CSMD1: variants seen among roughly 807,000 people sequenced by gnomAD.
CSMD1 encodes the protein CUB and Sushi multiple domains 1.
A neutral mutation model predicts 417.5 loss-of-function variants in CSMD1; 213 were observed. That is an observed-to-expected ratio of 0.51 (90% CI 0.46 to 0.57). CSMD1 has a LOEUF of 0.57. Among genes scored for constraint, CSMD1 ranks in the 20% least tolerant of loss-of-function variants. The pLI is 0.00. For missense variants in CSMD1, 6,923 were observed against 4,529.7 expected (o/e 1.53, Z -15.17); for synonymous variants, 2,862 against 1,736.8 (o/e 1.65, Z -16.11).
intron 3 of CSMD1, among the ~76,000 whole-genome samples, chr8:4,286,095 C>G (rs566289958): frequency 2.6e-5 from 4 of 152,154 alleles, no homozygotes; most frequent in Admixed American, 2.6e-4. Flanking sequence ...ACACATTATT[C>G]TTTATGTGAC....
At chr8:4,076,387 T>C (rs1047168976) in intron 3 of CSMD1, among the ~76,000 whole-genome samples, 3 of 152,214 alleles carry the variant, frequency 2.0e-5, no homozygotes, top group African/African-American at 7.2e-5. Context: ...GAGGTAGTTC[T>C]TTATAGCAGC....
At chr8:3,910,824 C>A (rs181631451) in intron 5 of CSMD1, among the ~76,000 whole-genome samples, 5 of 152,300 alleles carry the variant, frequency 3.3e-5, no homozygotes, top group African/African-American at 7.2e-5. Flanking sequence ...GTGCATGCTA[C>A]AGGCCAAATC....
chr8:3,472,305 C>A (rs558329458), intron 11 of CSMD1, among the ~76,000 whole-genome samples: 47 of 152,254 alleles, frequency 3.1e-4, no homozygotes, highest in African/African-American at 1.1e-3. Flanking sequence ...GCTGACCACA[C>A]TGCAACATCT....
chr8:4,234,327 G>C (rs190091952), intron 3 of CSMD1, among the ~76,000 whole-genome samples: 5 of 152,130 alleles, frequency 3.3e-5, no homozygotes, highest in East Asian at 3.9e-4. Context: ...CACAAGTTTA[G>C]AAATGGGCCG....
chr8:4,471,667 T>C (rs1414573811), intron 2 of CSMD1, among the ~76,000 whole-genome samples: 1 of 152,048 alleles, frequency 6.6e-6, no homozygotes. Flanking sequence ...CTCACCCTGG[T>C]TGAGGAAGGC....
chr8:3,803,881 T>G (rs1800590042), intron 5 of CSMD1, among the ~76,000 whole-genome samples: 1 of 152,128 alleles, frequency 6.6e-6, no homozygotes, highest in African/African-American at 2.4e-5. Context: ...GGAATTTGAC[T>G]TGAGTGACAA....
At chr8:3,202,687 G>A (rs558035705) in intron 31 of CSMD1, among the ~76,000 whole-genome samples, 14 of 152,186 alleles carry the variant, frequency 9.2e-5, no homozygotes, top group Non-Finnish European at 1.9e-4. Flanking sequence ...GTGTGTGTCA[G>A]AATTCCAACG....
At chr8:3,707,086 T>G (rs921666465) in intron 7 of CSMD1, among the ~76,000 whole-genome samples, 3 of 152,078 alleles carry the variant, frequency 2.0e-5, no homozygotes, top group African/African-American at 4.8e-5. Flanking sequence ...CCAGGGGACA[T>G]GTTTACCTCT....
intron 3 of CSMD1, among the ~76,000 whole-genome samples, chr8:4,132,812 G>C (rs149975580): frequency 3.9e-5 from 6 of 152,230 alleles, no homozygotes; most frequent in African/African-American, 1.2e-4. Context: ...AAGAAGAATT[G>C]ATATAAATGC....
At chr8:4,766,967 T>C (rs1220154732) in intron 1 of CSMD1, among the ~76,000 whole-genome samples, 1 of 152,198 alleles carries the variant, frequency 6.6e-6, no homozygotes, top group Non-Finnish European at 1.5e-5. Context: ...GATAAGAAGA[T>C]AGTCTAAAAA....
chr8:3,922,962 G>A lies in CSMD1; in HGVS notation c.818+74941C>T, dbSNP rs929396421. ...ACAGATTGTGTGAGCCCCTTGAGGT[G>A]TTCATCCAGGGCTGTTTCAGAGAAA... On this transcript the variant is annotated intron_variant, in intron 5 of 69. Transcript: ENST00000635120. Among the ~76,000 whole-genome samples, 6 of 152,276 alleles carry A rather than the reference G, an allele frequency of 3.9e-5. No individual in the cohort carries two copies. The East Asian group carries it at 7.7e-4, about 20-fold the overall frequency.
intron 3 of CSMD1, among the ~76,000 whole-genome samples, chr8:4,232,026 AC>A (rs1244038453): frequency 2.0e-5 from 3 of 152,222 alleles, no homozygotes; most frequent in Non-Finnish European, 4.4e-5. Context: ...TAAGTATGAA[AC>A]AATATGTTGG....
chr8:3,741,887 A>T (rs1773927526), intron 6 of CSMD1, among the ~76,000 whole-genome samples: 4 of 152,094 alleles, frequency 2.6e-5, no homozygotes, highest in Non-Finnish European at 5.9e-5. Flanking sequence ...CCAATTCCTT[A>T]CCATGTGAGT....
chr8:4,637,773 C>T (rs1165478054), intron 1 of CSMD1, among the ~76,000 whole-genome samples: 9 of 148,522 alleles, frequency 6.1e-5, no homozygotes, highest in African/African-American at 2.2e-4. Context: ...CGGGTTCACG[C>T]CATTCTCCTG....
intron 33 of CSMD1, among the ~76,000 whole-genome samples, chr8:3,196,559 G>A (rs1796713282): frequency 6.6e-6 from 1 of 152,122 alleles, no homozygotes; most frequent in South Asian, 2.1e-4. Flanking sequence ...TTCAGGAGGG[G>A]AATAATTAGA....
Position 4,322,551 on chromosome 8 carries a change from A to G in CSMD1, c.415+97402T>C, listed in dbSNP as rs145609586. 1.7e-4 allele frequency among the ~76,000 whole-genome samples: 26 copies of G among 152,326 alleles called. 1 individual carries two copies. In the East Asian group the frequency reaches 5.0e-3, roughly 29 times the overall value. On this transcript the variant is annotated intron_variant, in intron 3 of 69. Coordinates refer to ENST00000635120, the MANE Select transcript of CSMD1 (RefSeq NM_033225.6). ...ACATAACATTTGAGGTAGGCCCTGA[A>G]GAGAGTAAGTAAGATTTTGATGAAG...
chr8:4,303,502 T>A (rs926946660), intron 3 of CSMD1, among the ~76,000 whole-genome samples: 2 of 140,176 alleles, frequency 1.4e-5, no homozygotes, highest in Non-Finnish European at 3.1e-5. Context: ...CTCCTTACCA[T>A]CTCTAGCACG....
chr8:4,763,603 C>G (rs1812261748), intron 1 of CSMD1, among the ~76,000 whole-genome samples: 1 of 152,070 alleles, frequency 6.6e-6, no homozygotes. Context: ...ACTTATGCCT[C>G]CACTCTTTGA....
chr8:4,013,482 A>C (rs1796378260), intron 4 of CSMD1, among the ~76,000 whole-genome samples: 1 of 152,150 alleles, frequency 6.6e-6, no homozygotes, highest in South Asian at 2.1e-4. Flanking sequence ...TTAGGTGATA[A>C]GACCAGGAGA....
Sources: gnomAD v4.1 joint callset for allele counts (sites outside exome capture counted in the v4.1 genomes callset) on GRCh38, gnomAD v4.1.1 for gene constraint, MANE v1.5 for transcripts, NCBI Gene and HGNC (gene_info 2026-07-23, HGNC 2026-07-21) for gene names.